Variants in INTS2 observed in about 807,000 individuals in gnomAD.
INTS2 encodes integrator complex subunit 2, also known as KIAA1287.
A neutral mutation model predicts 139.6 loss-of-function variants in INTS2; 57 were observed. The observed-to-expected ratio is 0.41, with a 90% CI of 0.33 to 0.51. The LOEUF is 0.51. Ranked by LOEUF, INTS2 falls within the 20% of genes least tolerant of loss-of-function variation. INTS2 has a pLI of 0.28. For missense variants in INTS2, 1,196 were observed against 1,436.7 expected, an observed-to-expected ratio of 0.83 and a Z score of 2.71; for synonymous variants, 473 against 493.4, an observed-to-expected ratio of 0.96 and a Z score of 0.55.
intron 2 of INTS2, among the ~76,000 whole-genome samples, chr17:61,926,020 C>CT (rs2079708754): frequency 6.7e-6 from 1 of 149,964 alleles, no homozygotes; most frequent in Non-Finnish European, 1.5e-5. Flanking sequence ...GAGCGAAACT[C>CT]TGTCTCAAAA....
At position 61,893,905 on chromosome 17, in the gene INTS2, A is replaced by G; in HGVS notation, c.1564-6T>C. On this transcript the variant is annotated splice_polypyrimidine_tract_variant and splice_region_variant and intron_variant, in intron 12 of 24. Coordinates refer to ENST00000251334, the MANE Select transcript of INTS2 (RefSeq NM_001351695.2). This position sits in a 1 kb window ranked among gnomAD's most constrained non-coding sequence, Gnocchi z 5.4. Reference sequence around the variant, plus strand: ...ACTGCATGAGCTGTGACAACCTAAAAGGGAAAAATAGCATTAGTAATATAA... The same window carrying G: ...ACTGCATGAGCTGTGACAACCTAAAGGGGAAAAATAGCATTAGTAATATAA... 1.9e-6 allele frequency: 3 copies of G among 1,538,658 alleles called. No individual in the cohort carries two copies. The highest frequency in any genetic ancestry group is 2.5e-5 in the South Asian group (2 of 79,880).
chr17:61,887,383 C>T (rs1237870662), intron 15 of INTS2, among the ~76,000 whole-genome samples: 3 of 149,884 alleles, frequency 2.0e-5, no homozygotes, highest in African/African-American at 7.4e-5. Context: ...CTCAGGAGTC[C>T]GAGGCAGGAG....
rs2079106873 is a variant in INTS2 at position 61,873,736 on chromosome 17, T to C, written c.2582+1177A>G. Among the ~76,000 whole-genome samples, 1 of 152,192 alleles carries C rather than the reference T, an allele frequency of 6.6e-6. No individual in the cohort carries two copies. The highest frequency in any genetic ancestry group is 1.5e-5 in the Non-Finnish European group (1 of 68,030). On this transcript the variant is annotated intron_variant, in intron 19 of 24. Coordinates refer to ENST00000251334, the MANE Select transcript of INTS2 (RefSeq NM_001351695.2). The surrounding 1 kb of genome is among the most constrained non-coding windows in gnomAD (Gnocchi z 4.0). ...TTGTCACTTCGAGAATGTCATCCCT[T>C]GGTTGATGACAGACAAGTTTAAATA... is the stretch of plus-strand genomic sequence containing the variant.
chr17:61,869,946 T>A lies in INTS2; in HGVS notation c.2821A>T (p.Thr941Ser). Residue 941 changes from threonine (T) to serine (S), a missense_variant, in exon 21 of 25, where the codon ACT becomes TCT. Physicochemically the swap from Thr to Ser is moderately conservative, Grantham distance 58. This residue lies in a region of INTS2 where 1,129 missense variants were observed against 1,341.9 expected (regional missense o/e 0.84). Coordinates refer to ENST00000251334, the MANE Select transcript of INTS2 (RefSeq NM_001351695.2). The surrounding 1 kb of genome is among the most constrained non-coding windows in gnomAD (Gnocchi z 5.4). ...VQILLEICLP[T>S]EEEKANGVNP... ...ACACCATTTGCTTTCTCCTCTTCAG[T>A]AGGTAGGCAAATCTCTAAGAGAATC... 1 of 1,613,600 alleles carries A rather than the reference T, an allele frequency of 6.2e-7. No individual in the cohort carries two copies. Among genetic ancestry groups the A allele is most frequent in the South Asian group, 1.1e-5 (1 of 91,070 alleles).
At chr17:61,890,763 T>TA (rs896970820) in intron 14 of INTS2, among the ~76,000 whole-genome samples, 86 of 138,656 alleles carry the variant, frequency 6.2e-4, no homozygotes, top group South Asian at 9.1e-4. Context: ...AAGTGAAGCT[T>TA]AAAAAAAAAA....
At chr17:61,874,829 T>A (rs1242754487) in intron 19 of INTS2, 84 bp downstream of exon 19, 2 of 1,146,034 alleles carry the variant, frequency 1.7e-6, no homozygotes, top group East Asian at 6.0e-5. Context: ...AATTAAAATA[T>A]AAGTTTAAAC....
chr17:61,878,061 G>A lies in INTS2; in HGVS notation c.2282C>T (p.Thr761Ile). Residue 761 changes from threonine (T) to isoleucine (I), a missense_variant, in exon 18 of 25, where the codon ACA becomes ATA. Thr to Ile is a moderately conservative substitution (Grantham distance 89). Coordinates refer to ENST00000251334, the MANE Select transcript of INTS2 (RefSeq NM_001351695.2). ...GTGTTCTATAATCTGCATCACTTGTGTGTTATTTACTGGGACAGCTGAAAA... is the reference window on the plus strand; with the variant it reads ...GTGTTCTATAATCTGCATCACTTGTATGTTATTTACTGGGACAGCTGAAAA... ...EAFSAVPVNN[T>I]QVMQIIEHLT... 1.2e-6 allele frequency: 2 copies of A among 1,611,848 alleles called. No homozygotes were observed. Among genetic ancestry groups the A allele is most frequent in the Non-Finnish European group, 1.7e-6 (2 of 1,177,966 alleles).
intron 19 of INTS2, among the ~76,000 whole-genome samples, chr17:61,874,415 A>C (rs2079111750): frequency 6.6e-6 from 1 of 152,176 alleles, no homozygotes; most frequent in Non-Finnish European, 1.5e-5. Flanking sequence ...TAATGATAGG[A>C]ATTAACTAAA....
intron 8 of INTS2, among the ~76,000 whole-genome samples, chr17:61,906,273 T>C (rs183719333): frequency 1.2e-3 from 187 of 152,298 alleles, no homozygotes; most frequent in South Asian, 2.1e-3. Flanking sequence ...AATCGGTAAA[T>C]ATAAACATTC....
At position 61,900,702 on chromosome 17, in the gene INTS2, A is replaced by T. The variant is rs113457603; in HGVS notation, c.1308-2963T>A. Among the ~76,000 whole-genome samples the T allele has an allele frequency of 2.9e-3, 440 of 152,320 alleles. 3 individuals carry two copies. The highest frequency in any genetic ancestry group is 1.0e-2 in the African/African-American group (415 of 41,572). ...GCCAGACGTGGTGGCTCACACCTGTAATCCCAGCACTTTGGGAGGCCAAGG... is the reference window on the plus strand; with the variant it reads ...GCCAGACGTGGTGGCTCACACCTGTTATCCCAGCACTTTGGGAGGCCAAGG... On this transcript the variant is annotated intron_variant, in intron 9 of 24. Coordinates refer to ENST00000251334, the MANE Select transcript of INTS2 (RefSeq NM_001351695.2).
In INTS2 at chr17:61,895,423, T is replaced by C. The variant is rs1282804821; in HGVS notation, c.1495-40A>G. On this transcript the variant is annotated intron_variant, in intron 11 of 24. Coordinates refer to ENST00000251334, the MANE Select transcript of INTS2 (RefSeq NM_001351695.2). ...AGAATTCCAACAGCATGTAAAAATA[T>C]ATGAAACACAATTTATTCTAGGGAA... is the stretch of plus-strand genomic sequence containing the variant. The C allele has an allele frequency of 5.7e-6, 7 of 1,217,850 alleles. No individual in the cohort carries two copies. In the East Asian group the frequency reaches 1.2e-4, roughly 21 times the overall value. The allele number at this position is 1,217,850 out of a possible 1,614,324, so 75.4% of individuals were successfully genotyped here. A position where few individuals can be genotyped will look rare whatever the true frequency, so the allele number is the denominator to read the frequency against.
Position 61,875,103 on chromosome 17 carries a change from T to C in INTS2, c.2457-65A>G, listed in dbSNP as rs1360527476. 1 of 1,184,894 alleles carries C rather than the reference T, an allele frequency of 8.4e-7. No individual in the cohort carries two copies. Among genetic ancestry groups the C allele is most frequent in the African/African-American group, 1.6e-5 (1 of 63,200 alleles). 73.4% of individuals were successfully genotyped at this position (1,184,894 alleles called of 1,614,324 possible). ...TATATTAAAATCTGTAGCCATCCAGTCCTTTCTATCTTAGAAAGTTATATT... is the reference window on the plus strand; with the variant it reads ...TATATTAAAATCTGTAGCCATCCAGCCCTTTCTATCTTAGAAAGTTATATT... On this transcript the variant is annotated intron_variant, in intron 18 of 24. Transcript: ENST00000251334. This position sits in a 1 kb window ranked among gnomAD's most constrained non-coding sequence, Gnocchi z 4.6.
At chr17:61,923,767 C>G (rs2079677978) in intron 3 of INTS2, among the ~76,000 whole-genome samples, 1 of 151,992 alleles carries the variant, frequency 6.6e-6, no homozygotes, top group South Asian at 2.1e-4. Flanking sequence ...ACAACCTCCA[C>G]CTCCCAGGTT....
intron 5 of INTS2, among the ~76,000 whole-genome samples, chr17:61,919,128 G>T (rs532043997): frequency 5.6e-4 from 85 of 151,884 alleles, no homozygotes; most frequent in African/African-American, 2.0e-3. Context: ...TTTCACCATA[G>T]TGGCCAGGCT....
In INTS2 at chr17:61,915,076, C is replaced by T. The variant is rs1162847887; in HGVS notation, c.650-3006G>A. Among the ~76,000 whole-genome samples the T allele has an allele frequency of 4.6e-5, 7 of 151,682 alleles. No homozygotes were observed. The East Asian group carries it at 5.9e-4, about 13-fold the overall frequency. The stretch of plus-strand genomic sequence containing the variant: ...AAAATTAGCCGGGCGCGGTGGCTCA[C>T]GCCTATAATCCCAGCACTTTGGGAG... On this transcript the variant is annotated intron_variant, in intron 5 of 24. Transcript: ENST00000251334.
rs754900618 is a variant in INTS2 at position 61,926,597 on chromosome 17, C to T, written c.48G>A (p.Glu16=). 1 of 1,612,222 alleles carries T rather than the reference C, an allele frequency of 6.2e-7. No individual in the cohort carries two copies. Among genetic ancestry groups the T allele is most frequent in the African/African-American group, 1.3e-5 (1 of 74,888 alleles). Residue 16 remains glutamate (E), a synonymous_variant, in exon 2 of 25, where the codon GAG becomes GAA. Coordinates refer to ENST00000251334, the MANE Select transcript of INTS2 (RefSeq NM_001351695.2). ...AAACAACATCCACCTTCTGCATTGC[C>T]TCAAAAGCAAAAGGGCTGACAAACT... ...SLQFVSPFAF[E]AMQKVDVVCL... is the part of the protein sequence containing the mutation.
At chr17:61,884,548 TAA>T (rs35368442) in intron 16 of INTS2, among the ~76,000 whole-genome samples, 1 of 151,286 alleles carries the variant, frequency 6.6e-6, no homozygotes, top group Non-Finnish European at 1.5e-5. Flanking sequence ...TATTCAGAGT[TAA>T]AAAAATTTTT....
rs897964190 is a variant in INTS2 at position 61,878,068 on chromosome 17, T to C, written c.2275A>G (p.Asn759Asp). ...ATAATCTGCATCACTTGTGTGTTAT[T>C]TACTGGGACAGCTGAAAATGCTAAA... ...LQEAFSAVPV[N>D]NTQVMQIIEH... The change falls in exon 18 of 25, where the codon AAT becomes GAT. Residue 759 changes from asparagine (N) to aspartate (D), a missense_variant. Coordinates refer to ENST00000251334, the MANE Select transcript of INTS2 (RefSeq NM_001351695.2). 6.2e-7 allele frequency: 1 copy of C among 1,609,700 alleles called. No individual in the cohort carries two copies. The highest frequency in any genetic ancestry group is 1.3e-5 in the African/African-American group (1 of 74,848).
At chr17:61,915,489 G>A (rs893393206) in intron 5 of INTS2, among the ~76,000 whole-genome samples, 233 of 150,722 alleles carry the variant, frequency 1.5e-3, no homozygotes, top group African/African-American at 5.5e-3. Flanking sequence ...TTGCGCCACT[G>A]CACTCCAGCC....
Sources: gnomAD v4.1 joint callset for allele counts (sites outside exome capture counted in the v4.1 genomes callset) on GRCh38, gnomAD v4.1.1 for gene constraint, gnomAD v4.1.1 regional missense constraint, Gnocchi (gnomAD v3.1) non-coding constraint, MANE v1.5 for transcripts, NCBI Gene and HGNC (gene_info 2026-07-23, HGNC 2026-07-21) for gene names.